GSG1L: variants seen among roughly 807,000 people sequenced by gnomAD.
GSG1L encodes the protein GSG1 like, also known as germ cell-specific gene 1-like protein.
In GSG1L, 24 loss-of-function variants were observed where a neutral mutation model predicts 42.1. That is an observed-to-expected ratio of 0.57 (90% CI 0.41 to 0.80). GSG1L has a LOEUF of 0.80. GSG1L is among the 30% of genes least tolerant of loss of function. The probability of loss-of-function intolerance (pLI) is 0.00; values close to 1 mark genes in which losing one functional copy is unlikely to be tolerated. For missense variants in GSG1L, 445 were observed against 472.2 expected (o/e 0.94, Z 0.53); for synonymous variants, 215 against 203.5 (o/e 1.06, Z -0.48).
At chr16:27,929,521 A>G (rs1372171538) in intron 2 of GSG1L, among the ~76,000 whole-genome samples, 1 of 152,160 alleles carries the variant, frequency 6.6e-6, no homozygotes. Flanking sequence ...TTCTGGAGAG[A>G]ATCTGCCTGC....
chr16:27,827,365 A>G (rs1444643258), intron 5 of GSG1L, among the ~76,000 whole-genome samples: 1 of 152,170 alleles, frequency 6.6e-6, no homozygotes, highest in Non-Finnish European at 1.5e-5. Flanking sequence ...AGAGAGAGTA[A>G]CAGCCTGTGA....
intron 1 of GSG1L, among the ~76,000 whole-genome samples, chr16:28,046,592 G>T (rs1373579397): frequency 1.3e-5 from 2 of 152,144 alleles, no homozygotes; most frequent in East Asian, 3.9e-4. Flanking sequence ...CTGACCTCAT[G>T]ATCCGCCTGC....
chr16:27,847,899 G>A (rs2083461937), intron 3 of GSG1L, among the ~76,000 whole-genome samples: 1 of 152,174 alleles, frequency 6.6e-6, no homozygotes, highest in Non-Finnish European at 1.5e-5. Context: ...GCAGAACCAT[G>A]AGCCAATTAA....
rs559459706 is a variant in GSG1L at position 27,990,921 on chromosome 16, TA to T, written c.350-27719del. ...GTACCCTAAAACTTAAAGTATAATT[TA>T]AAAAAAAAAGTCTAATTCAAAATTC... On this transcript the variant is annotated intron_variant, in intron 1 of 6. Transcript: ENST00000447459. Among the ~76,000 whole-genome samples the T allele has an allele frequency of 6.5e-3, 973 of 149,426 alleles. 10 individuals carry two copies. The highest frequency in any genetic ancestry group is 0.022 in the African/African-American group (915 of 40,776).
At chr16:27,979,719 G>GAA (rs1567542929) in intron 1 of GSG1L, among the ~76,000 whole-genome samples, 3 of 52,812 alleles carry the variant, frequency 5.7e-5, no homozygotes, top group African/African-American at 2.3e-4. Context: ...AGGAAGGAAG[G>GAA]AAGGAAGGAA....
chr16:28,027,094 G>A (rs1301036639), intron 1 of GSG1L, among the ~76,000 whole-genome samples: 1 of 152,182 alleles, frequency 6.6e-6, no homozygotes, highest in Non-Finnish European at 1.5e-5. Context: ...CACAGCAGTG[G>A]TGGAGGGGGG....
intron 4 of GSG1L, among the ~76,000 whole-genome samples, chr16:27,840,111 C>T (rs750374026): frequency 3.3e-5 from 5 of 152,008 alleles, no homozygotes. Flanking sequence ...TTCACTGCAG[C>T]CTCAACCTCC....
chr16:27,984,027 T>C (rs1427326910), intron 1 of GSG1L, among the ~76,000 whole-genome samples: 1 of 152,148 alleles, frequency 6.6e-6, no homozygotes, highest in African/African-American at 2.4e-5. Context: ...TCCAACATCC[T>C]CAGTGGTCAT....
chr16:27,864,525 A>C (rs55727319), intron 3 of GSG1L, among the ~76,000 whole-genome samples: 2,536 of 152,314 alleles, frequency 0.017, 69 homozygotes, highest in African/African-American at 0.058. Context: ...AAGTCATCAA[A>C]TGGACTTAAT....
intron 5 of GSG1L, among the ~76,000 whole-genome samples, chr16:27,816,187 C>T (rs766750199): frequency 6.6e-6 from 1 of 152,186 alleles, no homozygotes; most frequent in Non-Finnish European, 1.5e-5. Context: ...ATGCACTATC[C>T]GGTGCCCCCT....
rs185170600 is a variant in GSG1L at position 27,796,328 on chromosome 16, C to T, written c.899-4861G>A. On this transcript the variant is annotated intron_variant, in intron 6 of 6. Transcript: ENST00000447459. The stretch of plus-strand genomic sequence containing the variant: ...GTGGTGGAAAATGAATCAGGGATGG[C>T]GCTAAGAAATCGGGCTTTGGAAACC... Among the ~76,000 whole-genome samples the T allele has an allele frequency of 1.7e-4, 25 of 151,092 alleles. No individual in the cohort carries two copies. The East Asian group carries it at 4.9e-3, about 29-fold the overall frequency.
rs1045471718 is a variant in GSG1L, at chr16:27,849,528, G to C, written c.551-4467C>G. Among the ~76,000 whole-genome samples the C allele has an allele frequency of 4.6e-5, 7 of 151,826 alleles. No homozygotes were observed. The East Asian group carries it at 1.4e-3, about 29-fold the overall frequency. On this transcript the variant is annotated intron_variant, in intron 3 of 6. Coordinates refer to ENST00000447459, the MANE Select transcript of GSG1L (RefSeq NM_001109763.2). ...TGCTGGCAGCTCTGAGGTATGTTTA[G>C]TTTGTTTGTTTACTTTTGTTTTGTT...
chr16:28,000,449 G>A (rs557063980), intron 1 of GSG1L, among the ~76,000 whole-genome samples: 4 of 152,330 alleles, frequency 2.6e-5, no homozygotes, highest in South Asian at 2.1e-4. Context: ...GATAATCCAC[G>A]AAGAGCTAAT....
rs571923707 is a variant in GSG1L, at chr16:27,838,900, C to T, written c.662+6050G>A. 7.9e-4 allele frequency among the ~76,000 whole-genome samples: 120 copies of T among 152,350 alleles called. 1 individual carries two copies. The highest frequency in any genetic ancestry group is 1.5e-4 in the Non-Finnish European group (10 of 68,038). ...CCTGGTCTTAGAATAAAGGAGGCCG[C>T]AGCCACCTGCCTCAGGCTGATGAGT... On this transcript the variant is annotated intron_variant, in intron 4 of 6. Coordinates refer to ENST00000447459, the MANE Select transcript of GSG1L (RefSeq NM_001109763.2).
At chr16:27,988,527 A>C (rs1268187564) in intron 1 of GSG1L, among the ~76,000 whole-genome samples, 1 of 152,150 alleles carries the variant, frequency 6.6e-6, no homozygotes, top group East Asian at 1.9e-4. Context: ...AAGTAGAAAA[A>C]AGTCTTATAA....
chr16:27,927,988 A>C (rs956482538), intron 2 of GSG1L, among the ~76,000 whole-genome samples: 1 of 152,034 alleles, frequency 6.6e-6, no homozygotes, highest in Non-Finnish European at 1.5e-5. Context: ...TCATTTCCTC[A>C]TTGCTTAAGT....
chr16:27,984,130 C>T (rs1426452999), intron 1 of GSG1L, among the ~76,000 whole-genome samples: 2 of 152,044 alleles, frequency 1.3e-5, no homozygotes, highest in African/African-American at 4.8e-5. Flanking sequence ...GAGGTCGGTG[C>T]GGGAATCCAC....
chr16:27,857,330 A>C (rs1454674721), intron 3 of GSG1L, among the ~76,000 whole-genome samples: 1 of 151,428 alleles, frequency 6.6e-6, no homozygotes, highest in Admixed American at 6.6e-5. Flanking sequence ...TGGGAGGCTG[A>C]GGCAGGGGAA....
At chr16:27,879,411 C>G (rs901944563) in intron 3 of GSG1L, among the ~76,000 whole-genome samples, 1 of 151,980 alleles carries the variant, frequency 6.6e-6, no homozygotes, top group African/African-American at 2.4e-5. Flanking sequence ...TGAAGGCCAG[C>G]CTGGGCCAAT....
Sources: allele counts gnomAD v4.1 joint callset (sites outside exome capture counted in the v4.1 genomes callset), GRCh38; gene constraint gnomAD v4.1.1; transcripts MANE v1.5; gene names NCBI Gene and HGNC (gene_info 2026-07-23, HGNC 2026-07-21).